RPS6KL1: variants seen among roughly 807,000 people sequenced by gnomAD.
The protein encoded by RPS6KL1 is ribosomal protein S6 kinase like 1.
In RPS6KL1, 41 loss-of-function variants were observed where a neutral mutation model predicts 57.0. The observed-to-expected ratio is 0.72, with a 90% confidence interval of 0.56 to 0.93. The LOEUF is 0.93. Ranked by LOEUF, RPS6KL1 falls within the 40% of genes least tolerant of loss-of-function variation. The probability of loss-of-function intolerance (pLI) is 0.00; values close to 1 mark genes in which losing one functional copy is unlikely to be tolerated. For synonymous variants in RPS6KL1, 287 were observed against 309.7 expected, an observed-to-expected ratio of 0.93 and a Z score of 0.77; for missense variants, 697 against 727.7, an observed-to-expected ratio of 0.96 and a Z score of 0.49.
At chr14:74,918,399 G>T in intron 5 of RPS6KL1, 114 bp downstream of exon 5, 1 of 715,206 alleles carries the variant, frequency 1.4e-6, no homozygotes. Context: ...TCCTCTGGAG[G>T]AGTGGGGGCC....
chr14:74,920,119 G>A (rs1594955538), intron 3 of RPS6KL1, 150 bp from the exon 4 acceptor site: 1 of 1,021,486 alleles, frequency 9.8e-7, no homozygotes, highest in East Asian at 2.6e-5. Context: ...TGCTTCATGA[G>A]CCCCTCCTCT....
chr14:74,921,343 C>T lies in RPS6KL1; in HGVS notation c.199G>A (p.Glu67Lys). The change falls in exon 3 of 12, where the codon GAG (glutamate) becomes AAG (lysine). Residue 67 changes from glutamate (E) to lysine (K), a missense_variant. By Grantham distance (56) the Glu-to-Lys change is moderately conservative. Coordinates refer to ENST00000557413, the MANE Select transcript of RPS6KL1 (RefSeq NM_031464.5). Reference sequence around the variant, plus strand: ...TGGTTGAAGGCCGCCTCATAGTCCTCACTAACATCGCGCTCCAGGGCCAGC... The same window carrying T: ...TGGTTGAAGGCCGCCTCATAGTCCTTACTAACATCGCGCTCCAGGGCCAGC... ...IRLALERDVS[E>K]DYEAAFNHYQ... The T allele has an allele frequency of 6.2e-7, 1 of 1,614,246 alleles. No individual in the cohort carries two copies.
In RPS6KL1 at chr14:74,908,733, G is replaced by A. The variant is rs1245334680; in HGVS notation, c.1443+117C>T. 9.0e-6 allele frequency: 8 copies of A among 884,504 alleles called. No individual in the cohort carries two copies. In the Admixed American group the frequency reaches 9.3e-5, roughly 10 times the overall value. The allele number at this position is 884,504 out of a possible 1,614,324, so 54.8% of individuals were successfully genotyped here. A position where few individuals can be genotyped will look rare whatever the true frequency, so the allele number is the denominator to read the frequency against. On this transcript the variant is annotated intron_variant, in intron 10 of 11. Transcript: ENST00000557413. ...AAGTGTGTCCCTGGCTTCGGGGGCA[G>A]TTGTGCTGGTAGGACAGCCAGGCAG...
chr14:74,914,299 C>G (rs896024627), intron 5 of RPS6KL1, among the ~76,000 whole-genome samples: 1 of 152,226 alleles, frequency 6.6e-6, no homozygotes, highest in Non-Finnish European at 1.5e-5. Context: ...AACAGAGTTT[C>G]CCACAAATCC....
chr14:74,920,110 G>T, intron 3 of RPS6KL1, 141 bp from the exon 4 acceptor site: 1 of 1,079,166 alleles, frequency 9.3e-7, no homozygotes, highest in Non-Finnish European at 1.4e-6. Flanking sequence ...CCCCCAGATT[G>T]CTTCATGAGC....
At position 74,919,836 on chromosome 14, in the gene RPS6KL1, TCTC is replaced by T; in HGVS notation, c.390+6_390+8del. 6.6e-7 allele frequency: 1 copy of T among 1,522,716 alleles called. No individual in the cohort carries two copies. Among genetic ancestry groups the T allele is most frequent in the Non-Finnish European group, 9.0e-7 (1 of 1,114,278 alleles). 94.3% of individuals were successfully genotyped at this position (1,522,716 alleles called of 1,614,324 possible). A position where few individuals can be genotyped will look rare whatever the true frequency, so the allele number is the denominator to read the frequency against. On this transcript the variant is annotated splice_donor_region_variant and intron_variant, in intron 4 of 11. Transcript: ENST00000557413. ...CGCTCAGGCCTTTGGGTGGGGGGGG[TCTC>T]CTCACCGCGCTGGGGCTGGCTCCAC... is the stretch of plus-strand genomic sequence containing the variant.
At chr14:74,917,884 T>C (rs1887112719) in intron 5 of RPS6KL1, among the ~76,000 whole-genome samples, 1 of 152,086 alleles carries the variant, frequency 6.6e-6, no homozygotes, top group African/African-American at 2.4e-5. Context: ...GTAGAGCGTC[T>C]TGGCTGCAGC....
intron 7 of RPS6KL1, chr14:74,910,360 CCA>C: frequency 2.3e-6 from 1 of 430,596 alleles, no homozygotes; most frequent in Non-Finnish European, 4.0e-6. Flanking sequence ...TAAAGTGGGC[CCA>C]GCCTTACAAA....
rs1382237468 is a variant in RPS6KL1 at position 74,921,328 on chromosome 14, C to A, written c.214G>T (p.Ala72Ser). ...ERDVSEDYEA[A>S]FNHYQNGVDV... ...ACGCCATTCTGATAGTGGTTGAAGG[C>A]CGCCTCATAGTCCTCACTAACATCG... The change falls in exon 3 of 12, where the codon GCC (alanine) becomes TCC (serine). Residue 72 changes from alanine (A) to serine (S), a missense_variant. By Grantham distance (99) the Ala-to-Ser change is moderately conservative. Transcript: ENST00000557413. 2 of 1,613,936 alleles carry A rather than the reference C, an allele frequency of 1.2e-6. No homozygotes were observed.
intron 2 of RPS6KL1, chr14:74,921,771 TC>T: frequency 7.7e-7 from 1 of 1,291,604 alleles, no homozygotes; most frequent in East Asian, 2.9e-5. Flanking sequence ...GATTCTGTTT[TC>T]TTTTCTTTTT....
At position 74,918,562 on chromosome 14, in the gene RPS6KL1, G is replaced by A; in HGVS notation, c.434C>T (p.Ser145Phe). 6.5e-7 allele frequency: 1 copy of A among 1,534,656 alleles called. No homozygotes were observed. The highest frequency in any genetic ancestry group is 8.7e-7 in the Non-Finnish European group (1 of 1,146,246). ...GCAGCCCCTCAGCTGCTCCACGGCA[G>A]AGCTCAGCGTGCGAATGGGCCGGAG... The part of the protein sequence containing the change: ...LRLRPIRTLS[S>F]AVEQLRGCRV... Residue 145 changes from serine to phenylalanine, a missense_variant, in exon 5 of 12, where the codon TCT (serine) becomes TTT (phenylalanine). Physicochemically the swap from Ser to Phe is radical, Grantham distance 155. Coordinates refer to ENST00000557413, the MANE Select transcript of RPS6KL1 (RefSeq NM_031464.5).
At chr14:74,921,238 T>TGCCCCCCCCCCCCCCCCCCCCCCCCCCCC in intron 3 of RPS6KL1, 39 bp downstream of exon 3, 20 of 840,050 alleles carry the variant, frequency 2.4e-5, no homozygotes, top group East Asian at 7.9e-5. Context: ...CACTGGCCCT[T>TGCCCCCCCCCCCCCCCCCCCCCCCCCCCC]CCCCACCCAC....
Position 74,922,459 on chromosome 14 carries a change from G to T in RPS6KL1, c.-502C>A. On this transcript the variant is annotated 5_prime_UTR_variant, in exon 2 of 12. Transcript: ENST00000557413. The stretch of plus-strand genomic sequence containing the variant: ...GGACCCCTCCTGGAGCCAGCAGAGA[G>T]CAGAGCACAGAGCTGGGCTGTAAGA... 2.2e-6 allele frequency: 1 copy of T among 463,464 alleles called. No homozygotes were observed. Among genetic ancestry groups the T allele is most frequent in the Non-Finnish European group, 2.8e-6 (1 of 351,976 alleles). The allele number at this position is 463,464 out of a possible 1,614,324, so 28.7% of individuals were successfully genotyped here. A position where few individuals can be genotyped will look rare whatever the true frequency, so the allele number is the denominator to read the frequency against.
In RPS6KL1 at chr14:74,907,436, TCA is replaced by T; in HGVS notation, c.1536_1537del (p.Glu513AlafsTer43). On this transcript the variant is annotated frameshift_variant and splice_region_variant, in exon 11 of 12. Transcript: ENST00000557413. LOFTEE classifies it high-confidence loss of function. ...TCCTCTGGCCGGGCTACACCTCACCTCAGTCAGCAGAGAGGCCGCTGGGCGAC... is the reference window on the plus strand; with the variant it reads ...TCCTCTGGCCGGGCTACACCTCACCTGTCAGCAGAGAGGCCGCTGGGCGAC... 1 of 1,574,062 alleles carries T rather than the reference TCA, an allele frequency of 6.4e-7. No homozygotes were observed.
chr14:74,921,238 T>TGCCCCCCCCCCCCCCCCCCC, intron 3 of RPS6KL1, 39 bp downstream of exon 3: 13 of 839,992 alleles, frequency 1.5e-5, no homozygotes, highest in East Asian at 5.3e-5. Flanking sequence ...CACTGGCCCT[T>TGCCCCCCCCCCCCCCCCCCC]CCCCACCCAC....
chr14:74,916,944 G>A (rs1292264269), intron 5 of RPS6KL1, among the ~76,000 whole-genome samples: 2 of 152,310 alleles, frequency 1.3e-5, no homozygotes, highest in East Asian at 1.9e-4. Flanking sequence ...GGATCGTACC[G>A]GGAGGCACGG....
At chr14:74,917,027 C>T (rs951204050) in intron 5 of RPS6KL1, among the ~76,000 whole-genome samples, 1 of 152,198 alleles carries the variant, frequency 6.6e-6, no homozygotes, top group Non-Finnish European at 1.5e-5. Flanking sequence ...CACTGACACT[C>T]AAGCAGTGGG....
Position 74,907,070 on chromosome 14 carries a change from T to C in RPS6KL1, c.1594A>G (p.Lys532Glu). Residue 532 changes from lysine to glutamate, a missense_variant, in exon 12 of 12, where the codon AAA becomes GAA. Transcript: ENST00000557413. ...CTGAAAAAGGGATGGGACTTGAGTT[T>C]GCTGACACCACCTTCTCCCATGCCC... is the stretch of plus-strand genomic sequence containing the variant. ...RLGMGEGGVS[K>E]LKSHPFFSTI... The C allele has an allele frequency of 6.2e-7, 1 of 1,613,878 alleles. No individual in the cohort carries two copies. Among genetic ancestry groups the C allele is most frequent in the Non-Finnish European group, 8.5e-7 (1 of 1,179,910 alleles).
intron 10 of RPS6KL1, among the ~76,000 whole-genome samples, 171 bp from the exon 11 acceptor site, chr14:74,907,701 T>C (rs1221402705): frequency 6.6e-6 from 1 of 152,184 alleles, no homozygotes. Context: ...CTTTATGTTA[T>C]CCACGAAAGG....
Sources: allele counts gnomAD v4.1 joint callset (sites outside exome capture counted in the v4.1 genomes callset), GRCh38; gene constraint gnomAD v4.1.1; transcripts MANE v1.5; gene names NCBI Gene and HGNC (gene_info 2026-07-23, HGNC 2026-07-21).